The following PXYLP1 variants were observed in gnomAD, a reference collection of about 807,000 sequenced individuals.
The protein encoded by PXYLP1 is acid phosphatase-like 2.
PXYLP1 carries 17 observed loss-of-function variants against 37.9 expected under a neutral mutation model. The observed-to-expected ratio is 0.45, with a 90% CI of 0.31 to 0.67. The LOEUF is 0.67. Ranked by LOEUF, PXYLP1 falls within the 30% of genes least tolerant of loss-of-function variation. PXYLP1 has a pLI of 0.07. For missense variants in PXYLP1, 511 were observed against 612.0 expected, an observed-to-expected ratio of 0.84 and a Z score of 1.74; for synonymous variants, 221 against 232.2, an observed-to-expected ratio of 0.95 and a Z score of 0.44.
chr3:141,287,195 A>G, intron 4 of PXYLP1, 119 bp from the exon 5 acceptor site: 1 of 992,776 alleles, frequency 1.0e-6, no homozygotes, highest in East Asian at 2.4e-5. Flanking sequence ...TTGAGCCGGT[A>G]CCTGTTACTG....
chr3:141,293,147 T>TC lies in PXYLP1; in HGVS notation c.1385_1386insC (p.Ala463SerfsTer11). On this transcript the variant is annotated frameshift_variant, in exon 6 of 6. Transcript: ENST00000286353. LOFTEE classifies it high-confidence loss of function. Reference sequence around the variant, plus strand: ...CGCTTTGTGAAAAGGGACATGTTTGTAGCCCTGGGTGGCAGTGGTACAAAT... The same window carrying TC: ...CGCTTTGTGAAAAGGGACATGTTTGTCAGCCCTGGGTGGCAGTGGTACAAAT... The TC allele has an allele frequency of 6.2e-7, 1 of 1,614,122 alleles. No homozygotes were observed. Among genetic ancestry groups the TC allele is most frequent in the Non-Finnish European group, 8.5e-7 (1 of 1,180,038 alleles).
chr3:141,232,843 G>T (rs1296012093), intron 1 of PXYLP1, among the ~76,000 whole-genome samples: 1 of 152,236 alleles, frequency 6.6e-6, no homozygotes, highest in East Asian at 1.9e-4. Context: ...GGGCTCTGTA[G>T]TGAGTGAGGT....
intron 1 of PXYLP1, among the ~76,000 whole-genome samples, chr3:141,232,673 A>G (rs1433241757): frequency 3.3e-5 from 5 of 151,708 alleles, no homozygotes; most frequent in Admixed American, 1.3e-4. Context: ...TGTCACACAC[A>G]CACACACAGA....
chr3:141,258,102 G>A (rs1029896666), intron 1 of PXYLP1, among the ~76,000 whole-genome samples: 8 of 152,046 alleles, frequency 5.3e-5, no homozygotes, highest in Non-Finnish European at 2.9e-5. Context: ...CAAGGCCCTC[G>A]CCTCCCACAT....
intron 5 of PXYLP1, among the ~76,000 whole-genome samples, chr3:141,291,903 C>T (rs1942219698): frequency 6.6e-6 from 1 of 152,244 alleles, no homozygotes; most frequent in African/African-American, 2.4e-5. Flanking sequence ...GGAAAAACCT[C>T]TCCTTAGGCC....
intron 1 of PXYLP1, among the ~76,000 whole-genome samples, chr3:141,242,495 C>G (rs150146860): frequency 0.014 from 2,137 of 152,276 alleles, 27 homozygotes; most frequent in South Asian, 0.023. Context: ...TGTCAGCTGC[C>G]TTGATTGTGA....
At chr3:141,240,071 G>A (rs555170216) in intron 1 of PXYLP1, among the ~76,000 whole-genome samples, 21 of 152,336 alleles carry the variant, frequency 1.4e-4, no homozygotes, top group African/African-American at 2.6e-4. Context: ...AACAAAATGC[G>A]TGAAGATAGG....
chr3:141,234,428 A>G (rs972063112), intron 1 of PXYLP1: 2 of 152,188 alleles, frequency 1.3e-5, no homozygotes, highest in African/African-American at 4.8e-5. Flanking sequence ...CCCCTTTAAC[A>G]TTTCCTATCC....
At chr3:141,280,234 C>T (rs1559894313) in intron 4 of PXYLP1, among the ~76,000 whole-genome samples, 1 of 152,180 alleles carries the variant, frequency 6.6e-6, no homozygotes, top group Non-Finnish European at 1.5e-5. Context: ...GTGGGGAAGA[C>T]GTTATTTTGA....
Position 141,256,895 on chromosome 3 carries a change from G to A in PXYLP1, c.-53-3228G>A, listed in dbSNP as rs540688490. On this transcript the variant is annotated intron_variant, in intron 1 of 5. Transcript: ENST00000286353. ...ACCCCAGAGAGTATCAAGGGGAAACGGTGGATGTTCCCACTGTTCAGCAAA... is the reference window on the plus strand; with the variant it reads ...ACCCCAGAGAGTATCAAGGGGAAACAGTGGATGTTCCCACTGTTCAGCAAA... Among the ~76,000 whole-genome samples the A allele has an allele frequency of 6.6e-5, 10 of 152,248 alleles. No individual in the cohort carries two copies. The South Asian group carries it at 8.3e-4, about 13-fold the overall frequency.
chr3:141,279,248 C>T (rs1941884086), intron 3 of PXYLP1, 130 bp from the exon 4 acceptor site: 3 of 1,168,864 alleles, frequency 2.6e-6, no homozygotes, highest in South Asian at 1.5e-5. Flanking sequence ...GCTCTGCAAA[C>T]CCACGGTGGC....
intron 2 of PXYLP1, among the ~76,000 whole-genome samples, chr3:141,264,035 G>A (rs1425797023): frequency 2.0e-5 from 3 of 152,196 alleles, no homozygotes; most frequent in African/African-American, 7.2e-5. Context: ...TAATCAGAGT[G>A]CGTTGGCCAT....
At chr3:141,278,227 T>C (rs2148813098) in intron 2 of PXYLP1, 115 bp from the exon 3 acceptor site, 2 of 1,225,110 alleles carry the variant, frequency 1.6e-6, no homozygotes, top group Non-Finnish European at 1.2e-6. Flanking sequence ...GAAGTGCACC[T>C]TGATTCTCAG....
At chr3:141,286,148 G>C (rs1942069997) in intron 4 of PXYLP1, among the ~76,000 whole-genome samples, 1 of 152,056 alleles carries the variant, frequency 6.6e-6, no homozygotes, top group Non-Finnish European at 1.5e-5. Context: ...CTTCTCTTCA[G>C]CTGGAAAATG....
At chr3:141,236,762 G>A (rs1404073133) in intron 1 of PXYLP1, among the ~76,000 whole-genome samples, 2 of 152,196 alleles carry the variant, frequency 1.3e-5, no homozygotes, top group Non-Finnish European at 2.9e-5. Context: ...GAAAGTGGCA[G>A]TTGGATTACC....
rs1942305946 is a variant in PXYLP1 at position 141,294,547 on chromosome 3, T to C, written c.*1342T>C. 1 of 152,226 alleles carries C rather than the reference T, an allele frequency of 6.6e-6. No homozygotes were observed. The highest frequency in any genetic ancestry group is 2.4e-5 in the African/African-American group (1 of 41,458). 9.4% of individuals were successfully genotyped at this position (152,226 alleles called of 1,614,324 possible). A position where few individuals can be genotyped will look rare whatever the true frequency, so the allele number is the denominator to read the frequency against. The stretch of plus-strand genomic sequence containing the variant: ...AAAGTGAAAGTGAGATTCTCTGTTG[T>C]CATCGGCATTCCAACTTTTTCTCTT... On this transcript the variant is annotated 3_prime_UTR_variant, in exon 6 of 6. Transcript: ENST00000286353.
chr3:141,237,695 G>T (rs147393121), intron 1 of PXYLP1, among the ~76,000 whole-genome samples: 1 of 152,308 alleles, frequency 6.6e-6, no homozygotes, highest in South Asian at 2.1e-4. Context: ...TGACTGCACT[G>T]AGATGATGGA....
At chr3:141,253,690 T>C (rs1433706170) in intron 1 of PXYLP1, among the ~76,000 whole-genome samples, 1 of 75,154 alleles carries the variant, frequency 1.3e-5, no homozygotes, top group Admixed American at 1.2e-4. Context: ...TTGAAACTTT[T>C]CTAAAAAAAA....
At chr3:141,278,281 C>A in intron 2 of PXYLP1, 61 bp from the exon 3 acceptor site, 1 of 1,590,682 alleles carries the variant, frequency 6.3e-7, no homozygotes, top group Non-Finnish European at 8.6e-7. Flanking sequence ...CTGCGCTGGG[C>A]CTTGCAGCTG....
Sources: allele counts gnomAD v4.1 joint callset (sites outside exome capture counted in the v4.1 genomes callset), GRCh38; gene constraint gnomAD v4.1.1; transcripts MANE v1.5; gene names NCBI Gene and HGNC (gene_info 2026-07-23, HGNC 2026-07-21).